Variants in POFUT3 observed in about 807,000 individuals in gnomAD.
POFUT3 encodes the protein protein O-fucosyltransferase 3, also known as GDP-fucose protein O-fucosyltransferase 3.
the POFUT3 span, among the ~76,000 whole-genome samples, chr8:33,320,989 G>A: frequency 8.6e-4 from 131 of 152,102 alleles, 1 homozygote; most frequent in Admixed American, 7.9e-3. Flanking sequence ...ATTTTTAGAC[G>A]CTAGCTACCA....
At chr8:33,312,402 A>G in the POFUT3 span, among the ~76,000 whole-genome samples, 2 of 152,148 alleles carry the variant, frequency 1.3e-5, no homozygotes, top group African/African-American at 4.8e-5. Flanking sequence ...ACCAGCAATC[A>G]CCAGAATCCA....
chr8:33,339,691 T>C, the POFUT3 span, among the ~76,000 whole-genome samples: 21 of 152,236 alleles, frequency 1.4e-4, no homozygotes, highest in East Asian at 3.9e-3. Flanking sequence ...AATGACACCT[T>C]ACCTATTGAG....
chr8:33,389,757 C>T, the POFUT3 span: 61 of 1,613,994 alleles, frequency 3.8e-5, no homozygotes, highest in Non-Finnish European at 5.0e-5. Flanking sequence ...TCATGATGGG[C>T]TTTCCGAGGC....
chr8:33,310,731 C>T, the POFUT3 span, among the ~76,000 whole-genome samples: 21 of 150,130 alleles, frequency 1.4e-4, no homozygotes, highest in Non-Finnish European at 1.3e-4. Flanking sequence ...AAAGACAGAA[C>T]ATTGTCGAGC....
At chr8:33,362,344 T>G in the POFUT3 span, among the ~76,000 whole-genome samples, 3 of 152,120 alleles carry the variant, frequency 2.0e-5, no homozygotes, top group Admixed American at 6.6e-5. Flanking sequence ...ACCAATGCTA[T>G]GAAGAAACTG....
chr8:33,321,887 T>A, the POFUT3 span, among the ~76,000 whole-genome samples: 1 of 152,100 alleles, frequency 6.6e-6, no homozygotes, highest in Admixed American at 6.6e-5. Flanking sequence ...AATGCTTATA[T>A]AATAAGCACC....
At chr8:33,358,950 A>AC in the POFUT3 span, among the ~76,000 whole-genome samples, 1 of 152,200 alleles carries the variant, frequency 6.6e-6, no homozygotes, top group African/African-American at 2.4e-5. Flanking sequence ...ACCAGACACC[A>AC]AATCAGCTGG....
At chr8:33,418,664 A>G in the POFUT3 span, among the ~76,000 whole-genome samples, 4 of 152,000 alleles carry the variant, frequency 2.6e-5, no homozygotes, top group Admixed American at 2.6e-4. Flanking sequence ...CAAAAACAAT[A>G]TGGAGATTTC....
the POFUT3 span, among the ~76,000 whole-genome samples, chr8:33,459,301 T>C: frequency 6.6e-6 from 1 of 151,744 alleles, no homozygotes; most frequent in Non-Finnish European, 1.5e-5. Context: ...AATCACGCCA[T>C]TGCACTCCAG....
chr8:33,391,064 T>C, the POFUT3 span, among the ~76,000 whole-genome samples: 6 of 152,220 alleles, frequency 3.9e-5, no homozygotes, highest in African/African-American at 9.6e-5. Flanking sequence ...AAAAAATTCA[T>C]CTTCCAATAC....
the POFUT3 span, among the ~76,000 whole-genome samples, chr8:33,394,685 A>T: frequency 2.0e-5 from 3 of 152,156 alleles, no homozygotes; most frequent in Non-Finnish European, 4.4e-5. Flanking sequence ...AAAAAAAAAA[A>T]ACATCTCCAC....
chr8:33,443,072 C>T, the POFUT3 span, among the ~76,000 whole-genome samples: 1 of 152,106 alleles, frequency 6.6e-6, no homozygotes, highest in Non-Finnish European at 1.5e-5. Flanking sequence ...AAGATCACAC[C>T]ACTGCACTGC....
chr8:33,422,875 G>C, the POFUT3 span, among the ~76,000 whole-genome samples: 1 of 151,910 alleles, frequency 6.6e-6, no homozygotes, highest in Admixed American at 6.6e-5. Flanking sequence ...GGAGTGGCAC[G>C]ATCTCGGCTC....
the POFUT3 span, among the ~76,000 whole-genome samples, chr8:33,440,088 C>T: frequency 6.6e-6 from 1 of 151,236 alleles, no homozygotes; most frequent in Non-Finnish European, 1.5e-5. Flanking sequence ...TGCGACAGAA[C>T]CTGATGGCTC....
chr8:33,459,598 A>G, the POFUT3 span, among the ~76,000 whole-genome samples: 1 of 151,428 alleles, frequency 6.6e-6, no homozygotes, highest in Non-Finnish European at 1.5e-5. Context: ...AGCCGAGATC[A>G]TGCCACTGCA....
the POFUT3 span, among the ~76,000 whole-genome samples, chr8:33,386,271 A>G: frequency 2.6e-5 from 4 of 152,002 alleles, no homozygotes; most frequent in East Asian, 7.7e-4. Context: ...CTTTTCAATA[A>G]TAAGCACATT....
At chr8:33,403,730 T>A in the POFUT3 span, among the ~76,000 whole-genome samples, 37 of 152,204 alleles carry the variant, frequency 2.4e-4, no homozygotes, top group African/African-American at 7.2e-4. Context: ...TTTTAAAAAA[T>A]TTTTTAAATA....
At chr8:33,369,713 T>C in the POFUT3 span, among the ~76,000 whole-genome samples, 1 of 152,188 alleles carries the variant, frequency 6.6e-6, no homozygotes, top group South Asian at 2.1e-4. Flanking sequence ...TTCTTCTATG[T>C]GTAATATACA....
the POFUT3 span, among the ~76,000 whole-genome samples, chr8:33,375,005 C>CA: frequency 2.0e-5 from 3 of 151,904 alleles, no homozygotes; most frequent in Non-Finnish European, 4.4e-5. Flanking sequence ...CTCAGCCTCC[C>CA]AAGTAGCTGA....
Sources: gnomAD v4.1 joint callset for allele counts (sites outside exome capture counted in the v4.1 genomes callset) on GRCh38, gnomAD v4.1.1 for gene constraint, MANE v1.5 for transcripts, NCBI Gene and HGNC (gene_info 2026-07-23, HGNC 2026-07-21) for gene names.